ESCO2: variants seen among roughly 807,000 people sequenced by gnomAD.
ESCO2 encodes N-acetyltransferase ESCO2.
ESCO2 carries 51 observed loss-of-function variants against 61.7 expected under a neutral mutation model. The ratio of observed to expected loss-of-function variants is 0.83; its 90% confidence interval spans 0.66 to 1.04. The LOEUF (loss-of-function observed/expected upper bound fraction) is 1.04. Among genes scored for constraint, ESCO2 ranks in the 50% least tolerant of loss-of-function variants. The probability of loss-of-function intolerance (pLI) is 0.00; values close to 1 mark genes in which losing one functional copy is unlikely to be tolerated. For synonymous variants in ESCO2, 230 were observed against 238.2 expected, an observed-to-expected ratio of 0.97 and a Z score of 0.32; for missense variants, 692 against 686.2, an observed-to-expected ratio of 1.01 and a Z score of -0.09.
At chr8:27,787,769 T>A in intron 5 of ESCO2, 116 bp from the exon 6 acceptor site, 1 of 759,242 alleles carries the variant, frequency 1.3e-6, no homozygotes, top group Non-Finnish European at 2.3e-6. Context: ...CTTCATCAAG[T>A]TAATGTCAGA....
chr8:27,816,708 A>G (rs1484741758), downstream of ESCO2, among the ~76,000 whole-genome samples: 1 of 151,942 alleles, frequency 6.6e-6, no homozygotes, highest in Non-Finnish European at 1.5e-5. Flanking sequence ...AAATGTTAAT[A>G]TATTACCTGT....
chr8:27,798,451 T>C (rs1805351955), intron 9 of ESCO2, among the ~76,000 whole-genome samples: 1 of 136,226 alleles, frequency 7.3e-6, no homozygotes, highest in Non-Finnish European at 1.6e-5. Context: ...AGAGTGAGAC[T>C]CCGTCTCTTT....
chr8:27,792,861 A>C (rs1012360724), intron 9 of ESCO2, 50 bp downstream of exon 9: 1 of 1,540,104 alleles, frequency 6.5e-7, no homozygotes, highest in African/African-American at 1.4e-5. Flanking sequence ...GGCAAAATAA[A>C]GAAAAGTTGG....
intron 5 of ESCO2, 48 bp from the exon 6 acceptor site, chr8:27,787,837 A>G (rs1805080650): frequency 7.0e-7 from 1 of 1,435,790 alleles, no homozygotes; most frequent in Non-Finnish European, 9.8e-7. Context: ...TTTCCCTTGT[A>G]ATTCCTCCAA....
intron 3 of ESCO2, chr8:27,777,687 C>T (rs1804828875): frequency 6.6e-6 from 1 of 152,398 alleles, no homozygotes; most frequent in African/African-American, 2.4e-5. Flanking sequence ...TTGCTGACCT[C>T]CTGTTTATAT....
At chr8:27,802,628 A>ATATGTATATATATATATAT (rs1490078142) in intron 10 of ESCO2, among the ~76,000 whole-genome samples, 5 of 60,374 alleles carry the variant, frequency 8.3e-5, no homozygotes, top group Non-Finnish European at 1.5e-4. Context: ...AAAAAAAAAA[A>ATATGTATATATATATATAT]AAATATATAT....
chr8:27,783,143 C>G (rs79448627), intron 4 of ESCO2, among the ~76,000 whole-genome samples: 1 of 152,112 alleles, frequency 6.6e-6, no homozygotes, highest in South Asian at 2.1e-4. Flanking sequence ...TTTATTGTTA[C>G]TCTCCTTCCC....
chr8:27,819,322 A>G, the ESCO2 span, among the ~76,000 whole-genome samples: 1 of 122,508 alleles, frequency 8.2e-6, no homozygotes. Flanking sequence ...TTTCAGTTGA[A>G]TATTCAACTT....
Position 27,776,520 on chromosome 8 carries a change from C to T in ESCO2, c.212C>T (p.Ala71Val). 1.2e-6 allele frequency: 2 copies of T among 1,613,966 alleles called. No individual in the cohort carries two copies. The highest frequency in any genetic ancestry group is 1.7e-6 in the Non-Finnish European group (2 of 1,179,996). Residue 71 changes from alanine to valine, a missense_variant, in exon 3 of 11, where the codon GCA becomes GTA. Coordinates refer to ENST00000305188, the MANE Select transcript of ESCO2 (RefSeq NM_001017420.3). ...ACTGAAATAAATAGACTGCCATCAGCAAATCAAGGCTCACCATTTAAATCT... is the reference window on the plus strand; with the variant it reads ...ACTGAAATAAATAGACTGCCATCAGTAAATCAAGGCTCACCATTTAAATCT... ...KTTEINRLPS[A>V]NQGSPFKSAL...
At chr8:27,772,504 C>A (rs901896800), upstream of ESCO2, 16 of 1,549,882 alleles carry the variant, frequency 1.0e-5, no homozygotes, top group Admixed American at 2.7e-4. Context: ...GGACGTGGCG[C>A]CCACTCACCG....
chr8:27,772,885 T>A (rs1804685519), upstream of ESCO2, among the ~76,000 whole-genome samples: 1 of 152,140 alleles, frequency 6.6e-6, no homozygotes, highest in Non-Finnish European at 1.5e-5. Context: ...TTAAATAAGT[T>A]AATGGGCGCC....
upstream of ESCO2, chr8:27,772,408 C>A: frequency 8.6e-7 from 1 of 1,169,322 alleles, no homozygotes; most frequent in Non-Finnish European, 1.2e-6. Flanking sequence ...GCACTCGCAT[C>A]CAGAAGGCAT....
chr8:27,810,504 T>G (rs1325532012), downstream of ESCO2: 2 of 1,581,470 alleles, frequency 1.3e-6, no homozygotes, highest in Non-Finnish European at 1.7e-6. Context: ...AGTTTTATCT[T>G]GAAGGAGTTA....
At chr8:27,810,998 C>G, downstream of ESCO2, 1 of 1,611,008 alleles carries the variant, frequency 6.2e-7, no homozygotes, top group Non-Finnish European at 8.5e-7. Flanking sequence ...TGTGTGGAAT[C>G]GATAAAGTCA....
At position 27,803,580 on chromosome 8, in the gene ESCO2, A is replaced by ACACAC; in HGVS notation, c.*142_*143insCACAC. Reference sequence around the variant, plus strand: ...CACACACACACACGCACACACACATATCACAGTTTTGTTCCTTATGAGTTG... The same window carrying ACACAC: ...CACACACACACACGCACACACACATACACACTCACAGTTTTGTTCCTTATGAGTTG... On this transcript the variant is annotated 3_prime_UTR_variant, in exon 11 of 11. Transcript: ENST00000305188. The ACACAC allele has an allele frequency of 8.3e-6, 12 of 1,439,076 alleles. No individual in the cohort carries two copies. The South Asian group carries it at 1.1e-4, about 13-fold the overall frequency. The allele number at this position is 1,439,076 out of a possible 1,614,324, so 89.1% of individuals were successfully genotyped here.
At chr8:27,790,590 C>T (rs981302048) in intron 7 of ESCO2, among the ~76,000 whole-genome samples, 5 of 151,904 alleles carry the variant, frequency 3.3e-5, no homozygotes, top group Admixed American at 6.6e-5. Context: ...AGTTTGTGAC[C>T]TTTGGTTTCT....
chr8:27,772,127 A>C, upstream of ESCO2: 2 of 251,742 alleles, frequency 7.9e-6, no homozygotes, highest in Non-Finnish European at 7.7e-6. Flanking sequence ...CTCACAGGGG[A>C]TAATTACAAG....
At chr8:27,818,573 AT>A in the ESCO2 span, among the ~76,000 whole-genome samples, 1 of 151,996 alleles carries the variant, frequency 6.6e-6, no homozygotes. Context: ...CCTAATTGCC[AT>A]TTTTTTCATT....
chr8:27,774,557 C>T lies in ESCO2; in HGVS notation c.-67C>T, dbSNP rs1273947857. On this transcript the variant is annotated 5_prime_UTR_variant, in exon 1 of 11. Transcript: ENST00000305188. ...TGGCGCGCGATTATTTGAAGACGCT[C>T]ACGGAGCGGCTGGCTAGGCTGAGGA... The T allele has an allele frequency of 2.0e-5, 3 of 152,336 alleles. No homozygotes were observed. The highest frequency in any genetic ancestry group is 2.1e-4 in the South Asian group (1 of 4,828). The allele number at this position is 152,336 out of a possible 1,614,324, so 9.4% of individuals were successfully genotyped here.
Sources: allele counts gnomAD v4.1 joint callset (sites outside exome capture counted in the v4.1 genomes callset), GRCh38; gene constraint gnomAD v4.1.1; transcripts MANE v1.5; gene names NCBI Gene and HGNC (gene_info 2026-07-23, HGNC 2026-07-21).